The following KCNMA1 variants were observed in gnomAD, a reference collection of about 807,000 sequenced individuals.
KCNMA1 encodes the protein potassium calcium-activated channel subfamily M alpha 1, also known as Calcium-activated potassium channel subunit alpha-1.
In KCNMA1, 29 loss-of-function variants were observed where a neutral mutation model predicts 140.0. The observed-to-expected ratio is 0.21, with a 90% CI of 0.15 to 0.28. The LOEUF is 0.28. Among genes scored for constraint, KCNMA1 ranks in the 10% least tolerant of loss-of-function variants. The pLI is 1.00. For synonymous variants in KCNMA1, 612 were observed against 611.9 expected (o/e 1.00, Z 0.00); for missense variants, 880 against 1,602.2 (o/e 0.55, Z 7.70).
chr10:77,067,377 C>T (rs374495809), intron 14 of KCNMA1, among the ~76,000 whole-genome samples: 79 of 152,312 alleles, frequency 5.2e-4, no homozygotes, highest in South Asian at 1.2e-3. Flanking sequence ...CAGACTCAGA[C>T]AGAGACTATA....
At chr10:77,584,641 G>A (rs1442529608) in intron 1 of KCNMA1, among the ~76,000 whole-genome samples, 1 of 152,212 alleles carries the variant, frequency 6.6e-6, no homozygotes, top group Admixed American at 6.5e-5. Flanking sequence ...ACAGGCATAA[G>A]CCACCACGCC....
chr10:77,018,369 A>G (rs2092430865), intron 17 of KCNMA1, among the ~76,000 whole-genome samples: 2 of 152,230 alleles, frequency 1.3e-5, no homozygotes, highest in Non-Finnish European at 2.9e-5. Context: ...ATAGAATCAA[A>G]TACAATAATA....
rs115553695 is a variant in KCNMA1 at position 77,146,143 on chromosome 10, T to A, written c.809-25095A>T. On this transcript the variant is annotated intron_variant, in intron 5 of 27. Transcript: ENST00000286628. Reference sequence around the variant, plus strand: ...CTTGAGGAGCTGTTTACAATCTACATTTGTATTTAGCTAAGATAGGAAAGA... The same window carrying A: ...CTTGAGGAGCTGTTTACAATCTACAATTGTATTTAGCTAAGATAGGAAAGA... 4.3e-3 allele frequency among the ~76,000 whole-genome samples: 657 copies of A among 152,288 alleles called. 5 individuals are homozygous for A. Among genetic ancestry groups the A allele is most frequent in the African/African-American group, 0.015 (642 of 41,562 alleles).
chr10:77,048,323 A>G (rs1328649520), intron 14 of KCNMA1, among the ~76,000 whole-genome samples: 1 of 152,218 alleles, frequency 6.6e-6, no homozygotes, highest in African/African-American at 2.4e-5. Context: ...TCTATGGACC[A>G]TGGACCACAC....
At chr10:77,615,279 A>C (rs1184966463) in intron 1 of KCNMA1, among the ~76,000 whole-genome samples, 1 of 152,166 alleles carries the variant, frequency 6.6e-6, no homozygotes, top group Non-Finnish European at 1.5e-5. Context: ...CCCCAGGATC[A>C]CCAGATGGGT....
At chr10:77,440,476 C>T (rs1476794921) in intron 1 of KCNMA1, among the ~76,000 whole-genome samples, 3 of 152,160 alleles carry the variant, frequency 2.0e-5, no homozygotes, top group African/African-American at 4.8e-5. Context: ...GCTAGAGAAG[C>T]CCAAGACCCC....
chr10:77,589,616 G>A (rs1022128928), intron 1 of KCNMA1, among the ~76,000 whole-genome samples: 7 of 152,206 alleles, frequency 4.6e-5, no homozygotes, highest in Admixed American at 1.3e-4. Context: ...TGAAGCCGCA[G>A]ACCCTCGCGG....
intron 13 of KCNMA1, 89 bp downstream of exon 13, chr10:77,079,392 G>T (rs546042346): frequency 1.3e-6 from 1 of 768,796 alleles, no homozygotes; most frequent in African/African-American, 1.7e-5. Flanking sequence ...GTGTGTGTGT[G>T]TGTGTGTGTG....
At chr10:77,115,719 G>A (rs796693274) in intron 6 of KCNMA1, among the ~76,000 whole-genome samples, 41 of 152,330 alleles carry the variant, frequency 2.7e-4, no homozygotes, top group African/African-American at 8.7e-4. Context: ...TTAGTAGTGC[G>A]TTAGGGAGCT....
At position 77,401,256 on chromosome 10, in the gene KCNMA1, G is replaced by A. The variant is rs374092228; in HGVS notation, c.540+2606C>T. Among the ~76,000 whole-genome samples, 75 of 151,818 alleles carry A rather than the reference G, an allele frequency of 4.9e-4. 1 individual carries two copies. The South Asian group carries it at 7.9e-3, about 16-fold the overall frequency. Reference sequence around the variant, plus strand: ...ACTGCAAGTTCCGCCTCCTGGGTCCGTGCCATTATCCTGCCTCAGCCTCTC... The same window carrying A: ...ACTGCAAGTTCCGCCTCCTGGGTCCATGCCATTATCCTGCCTCAGCCTCTC... On this transcript the variant is annotated intron_variant, in intron 2 of 27. Transcript: ENST00000286628.
intron 5 of KCNMA1, among the ~76,000 whole-genome samples, chr10:77,160,397 C>A (rs531664692): frequency 6.6e-6 from 1 of 152,202 alleles, no homozygotes; most frequent in Non-Finnish European, 1.5e-5. Flanking sequence ...GCTCCCCCAG[C>A]AAGTCCCTAT....
chr10:77,159,113 T>C (rs1309852065), intron 5 of KCNMA1, among the ~76,000 whole-genome samples: 1 of 152,230 alleles, frequency 6.6e-6, no homozygotes, highest in Non-Finnish European at 1.5e-5. Flanking sequence ...ATGACACGGC[T>C]GTGAATTACA....
intron 1 of KCNMA1, among the ~76,000 whole-genome samples, chr10:77,512,903 C>A (rs1287069496): frequency 5.9e-5 from 9 of 152,332 alleles, no homozygotes; most frequent in African/African-American, 2.2e-4. Context: ...CCCACCAGGA[C>A]AAGTGCAGTG....
At chr10:77,103,613 G>A (rs930956649) in intron 9 of KCNMA1, among the ~76,000 whole-genome samples, 1 of 152,168 alleles carries the variant, frequency 6.6e-6, no homozygotes, top group Non-Finnish European at 1.5e-5. Flanking sequence ...AGCCAGGAAG[G>A]GGAAGAAAAT....
At chr10:77,464,579 G>A (rs2097945678) in intron 1 of KCNMA1, among the ~76,000 whole-genome samples, 1 of 152,138 alleles carries the variant, frequency 6.6e-6, no homozygotes. Context: ...TTGCCTTTGG[G>A]ACATTCAATA....
intron 12 of KCNMA1, among the ~76,000 whole-genome samples, chr10:77,083,409 T>G (rs2096623137): frequency 6.6e-6 from 1 of 151,398 alleles, no homozygotes. Flanking sequence ...GGTGCTGGTG[T>G]TGGGGCCAAT....
At chr10:77,134,720 G>A (rs2616647) in intron 5 of KCNMA1, among the ~76,000 whole-genome samples, 1 of 151,888 alleles carries the variant, frequency 6.6e-6, no homozygotes, top group Admixed American at 6.6e-5. Flanking sequence ...GAAGAGAGGC[G>A]GGGCGCAGTG....
At chr10:77,068,811 A>C (rs567967296) in intron 14 of KCNMA1, among the ~76,000 whole-genome samples, 1 of 140,938 alleles carries the variant, frequency 7.1e-6, no homozygotes, top group South Asian at 2.5e-4. Flanking sequence ...GGAAGTCCCA[A>C]TGTACATTGA....
chr10:77,039,957 A>ACTGAAG (rs1295543775), intron 14 of KCNMA1, among the ~76,000 whole-genome samples: 4 of 123,110 alleles, frequency 3.2e-5, no homozygotes, highest in African/African-American at 1.3e-4. Flanking sequence ...GTCATAGCTC[A>ACTGAAG]CTGAAGCCTT....
Sources: gnomAD v4.1 joint callset for allele counts (sites outside exome capture counted in the v4.1 genomes callset) on GRCh38, gnomAD v4.1.1 for gene constraint, MANE v1.5 for transcripts, NCBI Gene and HGNC (gene_info 2026-07-23, HGNC 2026-07-21) for gene names.